Variants in INTS9 observed in about 807,000 individuals in gnomAD.
INTS9 encodes the protein protein related to CPSF subunits of 74 kDa.
A neutral mutation model predicts 79.7 loss-of-function variants in INTS9; 55 were observed. The observed-to-expected ratio is 0.69, with a 90% confidence interval of 0.56 to 0.86. The LOEUF (loss-of-function observed/expected upper bound fraction) is 0.86. INTS9 is among the 40% of genes least tolerant of loss of function. INTS9 has a pLI of 0.00. For missense variants in INTS9, 721 were observed against 831.5 expected, an observed-to-expected ratio of 0.87 and a Z score of 1.64; for synonymous variants, 319 against 325.2, an observed-to-expected ratio of 0.98 and a Z score of 0.20.
At chr8:28,851,743 G>T (rs546487012) in intron 2 of INTS9, among the ~76,000 whole-genome samples, 1 of 151,982 alleles carries the variant, frequency 6.6e-6, no homozygotes, top group African/African-American at 2.4e-5. Context: ...AGCCGGGGGT[G>T]GGGGGTAAGT....
intron 1 of INTS9, among the ~76,000 whole-genome samples, chr8:28,882,024 T>G (rs1585536463): frequency 7.2e-6 from 1 of 139,700 alleles, no homozygotes; most frequent in Non-Finnish European, 1.6e-5. Flanking sequence ...GCGGGAAGGG[T>G]GGGGAAAAAA....
intron 6 of INTS9, among the ~76,000 whole-genome samples, chr8:28,821,523 T>G (rs1805827155): frequency 6.6e-6 from 1 of 152,024 alleles, no homozygotes; most frequent in Non-Finnish European, 1.5e-5. Flanking sequence ...AGGCAAACCA[T>G]ATAAACACCT....
chr8:28,836,061 C>T lies in INTS9; in HGVS notation c.402-683G>A, dbSNP rs138566825. Among the ~76,000 whole-genome samples, 557 of 152,234 alleles carry T rather than the reference C, an allele frequency of 3.7e-3. 4 individuals carry two copies. The highest frequency in any genetic ancestry group is 0.013 in the African/African-American group (523 of 41,528). Reference sequence around the variant, plus strand: ...CTGACCTCAGGTGATCCACCCGCCTCGGCCTCCCAAAGTGCTGGGGGATTA... The same window carrying T: ...CTGACCTCAGGTGATCCACCCGCCTTGGCCTCCCAAAGTGCTGGGGGATTA... On this transcript the variant is annotated intron_variant, in intron 5 of 16. Transcript: ENST00000521022.
intron 4 of INTS9, among the ~76,000 whole-genome samples, chr8:28,845,799 C>A (rs1807477470): frequency 1.3e-5 from 2 of 152,174 alleles, no homozygotes; most frequent in South Asian, 4.1e-4. Context: ...AAACTTTCTC[C>A]CTTATCTGAC....
intron 3 of INTS9, among the ~76,000 whole-genome samples, chr8:28,848,859 G>A (rs1292923665): frequency 6.6e-6 from 1 of 152,154 alleles, no homozygotes; most frequent in African/African-American, 2.4e-5. Flanking sequence ...ACACATGCAA[G>A]TCATTTCGCT....
chr8:28,881,119 G>T (rs1208452243), intron 1 of INTS9, among the ~76,000 whole-genome samples: 1 of 150,260 alleles, frequency 6.7e-6, no homozygotes, highest in Non-Finnish European at 1.5e-5. Flanking sequence ...CGTCCGGGAG[G>T]GAGGTGGGGG....
At chr8:28,793,551 T>A (rs1226793552) in intron 10 of INTS9, among the ~76,000 whole-genome samples, 2 of 152,180 alleles carry the variant, frequency 1.3e-5, no homozygotes, top group East Asian at 3.8e-4. Flanking sequence ...TATATAAGAT[T>A]TTTGTTACCA....
intron 10 of INTS9, among the ~76,000 whole-genome samples, chr8:28,792,866 TTGTGCCAC>T (rs774261882): frequency 2.3e-3 from 349 of 151,486 alleles, no homozygotes; most frequent in Non-Finnish European, 3.9e-3. Flanking sequence ...TGAGCGGAGA[TTGTGCCAC>T]TGTACTCCAG....
intron 6 of INTS9, among the ~76,000 whole-genome samples, chr8:28,820,904 A>C (rs1396047329): frequency 6.8e-6 from 1 of 146,926 alleles, no homozygotes; most frequent in Non-Finnish European, 1.5e-5. Context: ...CAACACAGAT[A>C]AGGTAAAAGT....
At position 28,769,850 on chromosome 8, in the gene INTS9, A is replaced by G. The variant is rs755149124; in HGVS notation, c.1800+39T>C. ...CATAGTGAGCCAGGGAAAGGCTGCCACGTGTGGAGTTTTCACGGCACCAGC... is the reference window on the plus strand; with the variant it reads ...CATAGTGAGCCAGGGAAAGGCTGCCGCGTGTGGAGTTTTCACGGCACCAGC... On this transcript the variant is annotated intron_variant, in intron 16 of 16. Coordinates refer to ENST00000521022, the MANE Select transcript of INTS9 (RefSeq NM_018250.4). 9 of 1,608,436 alleles carry G rather than the reference A, an allele frequency of 5.6e-6. No homozygotes were observed. The South Asian group carries it at 8.8e-5, about 16-fold the overall frequency.
chr8:28,779,256 T>G (rs1803090973), intron 12 of INTS9, among the ~76,000 whole-genome samples: 1 of 152,188 alleles, frequency 6.6e-6, no homozygotes, highest in Non-Finnish European at 1.5e-5. Flanking sequence ...CAATATCTTG[T>G]GGCCCAACTT....
At chr8:28,870,007 G>A (rs1808983447) in intron 1 of INTS9, among the ~76,000 whole-genome samples, 1 of 152,058 alleles carries the variant, frequency 6.6e-6, no homozygotes, top group Admixed American at 6.6e-5. Context: ...TGGAAATGTT[G>A]ATAGTAAATC....
chr8:28,837,913 C>T, intron 4 of INTS9, 137 bp from the exon 5 acceptor site: 1 of 828,348 alleles, frequency 1.2e-6, no homozygotes, highest in Middle Eastern at 3.2e-4. Flanking sequence ...GCAACACTGC[C>T]ATTCTCTCAT....
intron 1 of INTS9, among the ~76,000 whole-genome samples, chr8:28,860,762 G>A (rs1254383828): frequency 4.6e-5 from 7 of 152,202 alleles, no homozygotes; most frequent in African/African-American, 7.2e-5. Flanking sequence ...GGTTATAGGC[G>A]TGAGCCATGG....
rs200033697 is a variant in INTS9 at position 28,833,386 on chromosome 8, TCGAGGTGG to T, written c.488+1898_488+1905del. Among the ~76,000 whole-genome samples the T allele has an allele frequency of 8.0e-4, 120 of 149,496 alleles. 1 individual carries two copies. In the East Asian group the frequency reaches 0.023, roughly 29 times the overall value. On this transcript the variant is annotated intron_variant, in intron 6 of 16. Coordinates refer to ENST00000521022, the MANE Select transcript of INTS9 (RefSeq NM_018250.4). The stretch of plus-strand genomic sequence containing the variant: ...CCTGTAATCCCAGCACTTTGGGAGG[TCGAGGTGG>T]GTGGATGGTGAGGTCAAGAGATCAA...
intron 1 of INTS9, among the ~76,000 whole-genome samples, chr8:28,868,830 C>A (rs140148726): frequency 6.6e-6 from 1 of 152,112 alleles, no homozygotes; most frequent in Non-Finnish European, 1.5e-5. Flanking sequence ...GGGCTGGATG[C>A]GGTGGCTCAT....
At chr8:28,814,865 T>C (rs1805378522) in intron 6 of INTS9, among the ~76,000 whole-genome samples, 1 of 152,166 alleles carries the variant, frequency 6.6e-6, no homozygotes, top group African/African-American at 2.4e-5. Flanking sequence ...AATGAAAAGA[T>C]TCTAACGCAG....
chr8:28,775,211 G>T (rs1802794815), intron 14 of INTS9, among the ~76,000 whole-genome samples: 1 of 152,200 alleles, frequency 6.6e-6, no homozygotes. Context: ...CCATGATGTG[G>T]CCCAGGGCTC....
intron 1 of INTS9, among the ~76,000 whole-genome samples, chr8:28,880,710 GC>G (rs1316625223): frequency 1.4e-5 from 2 of 146,146 alleles, no homozygotes; most frequent in Non-Finnish European, 3.0e-5. Context: ...TCTCTGCTTG[GC>G]CACCCATCGT....
Sources: gnomAD v4.1 joint callset for allele counts (sites outside exome capture counted in the v4.1 genomes callset) on GRCh38, gnomAD v4.1.1 for gene constraint, MANE v1.5 for transcripts, NCBI Gene and HGNC (gene_info 2026-07-23, HGNC 2026-07-21) for gene names.